Variants in MSRA observed in about 807,000 individuals in gnomAD.
The protein encoded by MSRA is mitochondrial peptide methionine sulfoxide reductase.
MSRA carries 54 observed loss-of-function variants against 31.3 expected under a neutral mutation model. That is an observed-to-expected ratio of 1.73 (90% CI 1.39 to 2.17). MSRA has a LOEUF of 2.17. Ranked by LOEUF, MSRA falls within the 30% of genes most tolerant of loss-of-function variation. The pLI, the probability that MSRA is intolerant of heterozygous loss-of-function variation, is 0.00. For missense variants in MSRA, 507 were observed against 300.9 expected, an observed-to-expected ratio of 1.69 and a Z score of -5.07; for synonymous variants, 169 against 116.5, an observed-to-expected ratio of 1.45 and a Z score of -2.90.
At chr8:10,098,447 C>T (rs1799318156) in intron 1 of MSRA, among the ~76,000 whole-genome samples, 2 of 152,136 alleles carry the variant, frequency 1.3e-5, no homozygotes, top group African/African-American at 2.4e-5. Flanking sequence ...ATTACTCGCT[C>T]ATTTATTCAT....
At chr8:10,165,141 G>C (rs1805011175) in intron 1 of MSRA, among the ~76,000 whole-genome samples, 1 of 152,142 alleles carries the variant, frequency 6.6e-6, no homozygotes, top group Non-Finnish European at 1.5e-5. Flanking sequence ...TCTAATGTGC[G>C]GCCTAGGTTG....
chr8:10,418,185 T>G (rs974638306), intron 5 of MSRA, among the ~76,000 whole-genome samples: 1 of 152,192 alleles, frequency 6.6e-6, no homozygotes, highest in African/African-American at 2.4e-5. Context: ...ACCTAACACT[T>G]AAGGCTAAAT....
chr8:10,398,644 A>AT (rs1316904191), intron 5 of MSRA, among the ~76,000 whole-genome samples: 4 of 152,214 alleles, frequency 2.6e-5, no homozygotes, highest in Non-Finnish European at 5.9e-5. Flanking sequence ...TTAGCCAAAA[A>AT]TAAGTTCTCA....
chr8:10,425,689 C>T (rs906015683), intron 5 of MSRA, among the ~76,000 whole-genome samples: 5 of 152,222 alleles, frequency 3.3e-5, no homozygotes, highest in African/African-American at 1.2e-4. Flanking sequence ...GAGCGAGGCC[C>T]GTCTCAGCAG....
At chr8:10,321,205 G>A (rs1802025418) in intron 5 of MSRA, among the ~76,000 whole-genome samples, 1 of 152,088 alleles carries the variant, frequency 6.6e-6, no homozygotes, top group Non-Finnish European at 1.5e-5. Context: ...CTTTGTGATA[G>A]TACTTGTATT....
intron 1 of MSRA, among the ~76,000 whole-genome samples, chr8:10,183,743 A>G (rs1806756089): frequency 6.7e-6 from 1 of 149,980 alleles, no homozygotes; most frequent in South Asian, 2.1e-4. Context: ...GCTAAAGAGG[A>G]CGGTGTGGCA....
At chr8:10,218,114 CTATTTATTTATTTATTTATT>C (rs371596796) in intron 2 of MSRA, among the ~76,000 whole-genome samples, 1,473 of 138,792 alleles carry the variant, frequency 0.011, 31 homozygotes, top group African/African-American at 0.037. Context: ...GGTTCCTTTT[CTATTTATTTATTTATTTATT>C]TATTTATTTA....
At chr8:10,310,291 G>A (rs983934486) in intron 4 of MSRA, among the ~76,000 whole-genome samples, 3 of 151,916 alleles carry the variant, frequency 2.0e-5, no homozygotes, top group East Asian at 1.9e-4. Flanking sequence ...ATTCTGAAAG[G>A]GATTTCATTC....
intron 5 of MSRA, chr8:10,353,886 A>C (rs1804351124): frequency 4.3e-6 from 1 of 232,396 alleles, no homozygotes; most frequent in African/African-American, 2.3e-5. Flanking sequence ...TATGAAGACA[A>C]AAAGATGAAG....
chr8:10,292,187 T>C (rs1800272304), intron 3 of MSRA, among the ~76,000 whole-genome samples: 1 of 152,216 alleles, frequency 6.6e-6, no homozygotes, highest in South Asian at 2.1e-4. Context: ...CCAGTGTGCA[T>C]GTGGGATTCC....
At chr8:10,294,687 C>T (rs888877405) in intron 3 of MSRA, among the ~76,000 whole-genome samples, 13 of 152,086 alleles carry the variant, frequency 8.5e-5, no homozygotes, top group African/African-American at 2.7e-4. Context: ...ACAGTGTCAC[C>T]GACCTCCTTG....
rs554030071 is a variant in MSRA, at chr8:10,346,014, T to C, written c.543+26025T>C. Among the ~76,000 whole-genome samples, 6 of 151,778 alleles carry C rather than the reference T, an allele frequency of 4.0e-5. 1 individual carries two copies. In the Middle Eastern group the frequency reaches 0.02, roughly 516 times the overall value. ...CCATCCATTCCTACCTTCCTAGTGT[T>C]TTTGTTTATTTGCTTGGCTCATTGT... is the stretch of plus-strand genomic sequence containing the variant. On this transcript the variant is annotated intron_variant, in intron 5 of 5. Coordinates refer to ENST00000317173, the MANE Select transcript of MSRA (RefSeq NM_012331.5).
chr8:10,061,551 A>G (rs1248591093), intron 1 of MSRA, among the ~76,000 whole-genome samples: 2 of 152,044 alleles, frequency 1.3e-5, no homozygotes, highest in Non-Finnish European at 2.9e-5. Context: ...TCATCTCCCC[A>G]CGTAGTGAGC....
intron 1 of MSRA, among the ~76,000 whole-genome samples, chr8:10,078,583 A>T (rs1798116659): frequency 6.6e-6 from 1 of 152,210 alleles, no homozygotes. Flanking sequence ...GGAGCTGTAA[A>T]CTGTGAAAGT....
chr8:10,342,423 A>T lies in MSRA; in HGVS notation c.543+22434A>T, dbSNP rs143611403. ...AAAACTTCACCTGCACCCATGAGAG[A>T]ATAAGAGTGAACAGGGAAATATATC... On this transcript the variant is annotated intron_variant, in intron 5 of 5. Transcript: ENST00000317173. 7.1e-3 allele frequency among the ~76,000 whole-genome samples: 1,079 copies of T among 152,328 alleles called. 35 individuals are homozygous for T. Among genetic ancestry groups the T allele is most frequent in the Non-Finnish European group, 4.1e-3 (281 of 68,030 alleles).
intron 5 of MSRA, among the ~76,000 whole-genome samples, chr8:10,409,725 C>T (rs1585713999): frequency 6.6e-6 from 1 of 152,234 alleles, no homozygotes; most frequent in East Asian, 1.9e-4. Context: ...CCCAGAAACA[C>T]AGGACTTTCA....
chr8:10,192,297 G>T (rs1585133339), intron 1 of MSRA, among the ~76,000 whole-genome samples: 1 of 152,304 alleles, frequency 6.6e-6, no homozygotes, highest in Non-Finnish European at 1.5e-5. Context: ...AGAATTTGTG[G>T]CTATACCTTT....
chr8:10,413,173 A>G (rs1036873803), intron 5 of MSRA, among the ~76,000 whole-genome samples: 7 of 152,200 alleles, frequency 4.6e-5, no homozygotes, highest in African/African-American at 1.7e-4. Flanking sequence ...GCACAAGGGA[A>G]GAGAAGAAGA....
chr8:10,061,904 G>C (rs1268332553), intron 1 of MSRA, among the ~76,000 whole-genome samples: 1 of 152,236 alleles, frequency 6.6e-6, no homozygotes, highest in East Asian at 1.9e-4. Context: ...ATCTGCAGCA[G>C]TGGTGGGGAA....
Sources: allele counts gnomAD v4.1 joint callset (sites outside exome capture counted in the v4.1 genomes callset), GRCh38; gene constraint gnomAD v4.1.1; transcripts MANE v1.5; gene names NCBI Gene and HGNC (gene_info 2026-07-23, HGNC 2026-07-21).